The following GALNT13 variants were observed in gnomAD, a reference collection of about 807,000 sequenced individuals.
GALNT13 encodes the protein polypeptide N-acetylgalactosaminyltransferase 13, also known as UDP-GalNAc:polypeptide N-acetylgalactosaminyltransferase 13.
GALNT13 carries 28 observed loss-of-function variants against 64.2 expected under a neutral mutation model. The ratio of observed to expected loss-of-function variants is 0.44; its 90% CI spans 0.32 to 0.60. The LOEUF (loss-of-function observed/expected upper bound fraction) is 0.60. GALNT13 is among the 20% of genes least tolerant of loss of function. GALNT13 has a pLI of 0.05. For synonymous variants in GALNT13, 214 were observed against 224.6 expected (o/e 0.95, Z 0.42); for missense variants, 577 against 669.8 (o/e 0.86, Z 1.53).
chr2:153,291,744 GA>G, the GALNT13 span, among the ~76,000 whole-genome samples: 4,633 of 134,824 alleles, frequency 0.034, 247 homozygotes, highest in African/African-American at 0.12. Context: ...TGTTCAAAAG[GA>G]AAAAAAAAAA....
At chr2:154,038,449 A>G (rs543521302) in intron 3 of GALNT13, among the ~76,000 whole-genome samples, 2 of 152,292 alleles carry the variant, frequency 1.3e-5, no homozygotes, top group East Asian at 1.9e-4. Flanking sequence ...TAGAAAACTC[A>G]GATATAAATT....
chr2:153,959,970 G>A (rs945557140), intron 3 of GALNT13, among the ~76,000 whole-genome samples: 11 of 152,218 alleles, frequency 7.2e-5, no homozygotes, highest in African/African-American at 2.7e-4. Context: ...TGCCACAGTG[G>A]GAGGGGCCTG....
At chr2:154,151,522 C>A (rs1446138222) in intron 4 of GALNT13, among the ~76,000 whole-genome samples, 1 of 152,090 alleles carries the variant, frequency 6.6e-6, no homozygotes, top group Non-Finnish European at 1.5e-5. Flanking sequence ...CTAATGTTGA[C>A]AGTGGGGTGT....
At chr2:154,165,275 C>T (rs137983153) in intron 4 of GALNT13, among the ~76,000 whole-genome samples, 4 of 152,192 alleles carry the variant, frequency 2.6e-5, no homozygotes, top group Admixed American at 2.0e-4. Context: ...TCTTTTAAGA[C>T]AAAATTCATC....
At chr2:153,494,854 T>A in the GALNT13 span, among the ~76,000 whole-genome samples, 4 of 152,040 alleles carry the variant, frequency 2.6e-5, no homozygotes, top group Non-Finnish European at 4.4e-5. Context: ...ATCCAGAATA[T>A]ATATAATACT....
At chr2:153,084,148 T>C in the GALNT13 span, among the ~76,000 whole-genome samples, 1 of 152,210 alleles carries the variant, frequency 6.6e-6, no homozygotes, top group African/African-American at 2.4e-5. Context: ...AGTGTTATAG[T>C]ATAATTTGAA....
At chr2:154,023,672 T>C (rs1286299630) in intron 3 of GALNT13, among the ~76,000 whole-genome samples, 2 of 152,218 alleles carry the variant, frequency 1.3e-5, no homozygotes, top group African/African-American at 2.4e-5. Context: ...TGTCTTTTAA[T>C]TGGAGCATTT....
At chr2:154,077,117 G>A (rs374321768) in intron 3 of GALNT13, among the ~76,000 whole-genome samples, 19 of 151,584 alleles carry the variant, frequency 1.3e-4, no homozygotes, top group African/African-American at 4.6e-4. Context: ...GTGAAAAGAA[G>A]CAAAACTTCT....
chr2:153,899,935 ATTTTTTTT>A (rs1167875826), intron 1 of GALNT13, among the ~76,000 whole-genome samples: 5 of 98,170 alleles, frequency 5.1e-5, no homozygotes, highest in African/African-American at 2.0e-4. Context: ...ATATATATAT[ATTTTTTTT>A]TTTTTTTTTT....
chr2:153,205,001 T>C, the GALNT13 span, among the ~76,000 whole-genome samples: 2 of 152,116 alleles, frequency 1.3e-5, no homozygotes, highest in Admixed American at 1.3e-4. Flanking sequence ...TTAGTAAAAG[T>C]CTTGAAGCAA....
chr2:154,401,860 G>T (rs1285885933), intron 10 of GALNT13, among the ~76,000 whole-genome samples: 1 of 152,024 alleles, frequency 6.6e-6, no homozygotes, highest in Non-Finnish European at 1.5e-5. Context: ...ATTAATCAAG[G>T]ACCTTCTAAA....
At chr2:153,992,803 A>G (rs1025515537) in intron 3 of GALNT13, among the ~76,000 whole-genome samples, 2 of 152,232 alleles carry the variant, frequency 1.3e-5, no homozygotes, top group Non-Finnish European at 2.9e-5. Flanking sequence ...TGGCAGCACT[A>G]ACAGTGAAAA....
At chr2:153,258,648 G>T in the GALNT13 span, among the ~76,000 whole-genome samples, 1 of 151,344 alleles carries the variant, frequency 6.6e-6, no homozygotes, top group African/African-American at 2.4e-5. Flanking sequence ...GATTTAATAT[G>T]TTTTTTTTCC....
chr2:153,292,146 G>A, the GALNT13 span, among the ~76,000 whole-genome samples: 3 of 152,066 alleles, frequency 2.0e-5, no homozygotes, highest in Admixed American at 6.6e-5. Context: ...GCTCAAATGA[G>A]TAGTTTTCTG....
At chr2:154,397,032 T>G (rs13028098) in intron 10 of GALNT13, among the ~76,000 whole-genome samples, 1 of 151,438 alleles carries the variant, frequency 6.6e-6, no homozygotes, top group Admixed American at 6.6e-5. Context: ...TCTCAATTGG[T>G]CAAAACAAGA....
chr2:154,398,597 A>T (rs1454611445), intron 10 of GALNT13, among the ~76,000 whole-genome samples: 1 of 152,214 alleles, frequency 6.6e-6, no homozygotes, highest in African/African-American at 2.4e-5. Flanking sequence ...CTTTCATAGC[A>T]TCTAAAAGAG....
chr2:154,219,620 T>C (rs1688221048), intron 4 of GALNT13, among the ~76,000 whole-genome samples: 1 of 152,154 alleles, frequency 6.6e-6, no homozygotes, highest in African/African-American at 2.4e-5. Flanking sequence ...TCTTTGTTTA[T>C]GATGAAGTAA....
chr2:153,266,854 G>C, the GALNT13 span, among the ~76,000 whole-genome samples: 2 of 152,146 alleles, frequency 1.3e-5, no homozygotes, highest in Admixed American at 6.5e-5. Context: ...CTTCCCAACA[G>C]TCCCCCACGT....
chr2:153,811,412 A>G, the GALNT13 span, among the ~76,000 whole-genome samples: 1 of 152,216 alleles, frequency 6.6e-6, no homozygotes, highest in Admixed American at 6.5e-5. Flanking sequence ...TGAGAAACTG[A>G]ATCAAATTTA....
Sources: gnomAD v4.1 joint callset for allele counts (sites outside exome capture counted in the v4.1 genomes callset) on GRCh38, gnomAD v4.1.1 for gene constraint, MANE v1.5 for transcripts, NCBI Gene and HGNC (gene_info 2026-07-23, HGNC 2026-07-21) for gene names.